The following QTGAL variants were observed in gnomAD, a reference collection of about 807,000 sequenced individuals.
QTGAL encodes the protein queuosine-tRNA galactosyltransferase.
the QTGAL span, among the ~76,000 whole-genome samples, chr17:83,009,393 C>T: frequency 6.6e-6 from 1 of 152,058 alleles, no homozygotes; most frequent in African/African-American, 2.4e-5. Context: ...CCCTGCACTC[C>T]AGCCTGGGCA....
chr17:82,969,214 C>T, the QTGAL span, among the ~76,000 whole-genome samples: 1 of 151,982 alleles, frequency 6.6e-6, no homozygotes, highest in East Asian at 1.9e-4. Flanking sequence ...GGCTGGAGTG[C>T]AGTGGCGCGA....
At chr17:82,962,919 T>A in the QTGAL span, among the ~76,000 whole-genome samples, 68 of 152,096 alleles carry the variant, frequency 4.5e-4, no homozygotes, top group East Asian at 0.013. Flanking sequence ...TCCCCTCCCC[T>A]GATTGCTGCT....
At chr17:83,035,179 A>AT in the QTGAL span, 2 of 1,188,092 alleles carry the variant, frequency 1.7e-6, no homozygotes, top group Non-Finnish European at 1.2e-6. Context: ...AGTATATGAT[A>AT]TTCTTTTTTT....
chr17:83,009,702 C>T, the QTGAL span, among the ~76,000 whole-genome samples: 93 of 152,140 alleles, frequency 6.1e-4, 1 homozygote, highest in African/African-American at 2.0e-3. Context: ...GAGGTGCCCT[C>T]GGTGCATGGT....
chr17:82,960,866 C>T, the QTGAL span, among the ~76,000 whole-genome samples: 1 of 152,248 alleles, frequency 6.6e-6, no homozygotes, highest in South Asian at 2.1e-4. Context: ...TGGGAAATGC[C>T]CCTTCGTGGA....
At chr17:83,004,984 G>T in the QTGAL span, 1 of 664,570 alleles carries the variant, frequency 1.5e-6, no homozygotes. Flanking sequence ...TTGATGGCAT[G>T]TGAGTGAAGG....
At chr17:83,024,660 G>T in the QTGAL span, among the ~76,000 whole-genome samples, 1 of 152,232 alleles carries the variant, frequency 6.6e-6, no homozygotes, top group African/African-American at 2.4e-5. Flanking sequence ...GTGTTAACAC[G>T]CCCCCGGGGC....
At chr17:82,984,088 GCACACGGGGGAGA>G in the QTGAL span, among the ~76,000 whole-genome samples, 6 of 132,796 alleles carry the variant, frequency 4.5e-5, no homozygotes, top group Non-Finnish European at 8.3e-5. Flanking sequence ...GGCCACGTGA[GCACACGGGGGAGA>G]GATCATGTGA....
chr17:82,972,525 T>C, the QTGAL span, among the ~76,000 whole-genome samples: 1 of 104,502 alleles, frequency 9.6e-6, no homozygotes, highest in Admixed American at 1.0e-4. Flanking sequence ...CAGAAGGACC[T>C]GGTGCCGACC....
At chr17:83,049,658 A>C in the QTGAL span, among the ~76,000 whole-genome samples, 3 of 152,122 alleles carry the variant, frequency 2.0e-5, no homozygotes, top group African/African-American at 7.2e-5. Context: ...GCCCACAAAA[A>C]ACAATGTTTT....
chr17:82,998,520 T>C, the QTGAL span, among the ~76,000 whole-genome samples: 1,840 of 152,164 alleles, frequency 0.012, 42 homozygotes, highest in African/African-American at 0.042. Context: ...TAATTTTTTG[T>C]ATTTTTAGTA....
At chr17:82,995,385 CTT>C in the QTGAL span, among the ~76,000 whole-genome samples, 30 of 141,122 alleles carry the variant, frequency 2.1e-4, no homozygotes, top group Admixed American at 4.3e-4. Context: ...ATTTCTTTTT[CTT>C]TTTTTTTTTT....
At chr17:82,946,321 G>A in the QTGAL span, among the ~76,000 whole-genome samples, 2 of 152,200 alleles carry the variant, frequency 1.3e-5, no homozygotes, top group African/African-American at 4.8e-5. Context: ...CCAGTTAAAG[G>A]AAGGCAAATA....
chr17:83,048,441 T>C, the QTGAL span: 66 of 1,547,614 alleles, frequency 4.3e-5, no homozygotes, highest in African/African-American at 7.2e-4. Context: ...CCACGAATTA[T>C]AGTTTAATAA....
chr17:83,026,222 G>A, the QTGAL span, among the ~76,000 whole-genome samples: 17 of 152,194 alleles, frequency 1.1e-4, no homozygotes, highest in African/African-American at 2.4e-4. Context: ...CAGCGAGAGC[G>A]TGGGTGTTCG....
the QTGAL span, among the ~76,000 whole-genome samples, chr17:83,034,390 C>T: frequency 6.6e-6 from 1 of 152,310 alleles, no homozygotes; most frequent in Admixed American, 6.5e-5. Context: ...TCTTACTTAC[C>T]ATGATTAACT....
the QTGAL span, chr17:82,978,601 T>C: frequency 6.6e-6 from 1 of 152,212 alleles, no homozygotes; most frequent in Admixed American, 6.5e-5. The surrounding 1 kb of genome is among the most constrained non-coding windows in gnomAD (Gnocchi z 4.8). Context: ...CAACACCAGG[T>C]GAGCCCTTCT....
chr17:83,015,678 C>T, the QTGAL span, among the ~76,000 whole-genome samples: 239 of 152,336 alleles, frequency 1.6e-3, no homozygotes, highest in Middle Eastern at 6.8e-3. This position sits in a 1 kb window ranked among gnomAD's most constrained non-coding sequence, Gnocchi z 4.4. Context: ...CAGGAGTGAG[C>T]GGCGGCCGGG....
the QTGAL span, among the ~76,000 whole-genome samples, chr17:82,995,385 CT>C: frequency 2.3e-3 from 330 of 141,158 alleles, 1 homozygote; most frequent in Middle Eastern, 3.7e-3. Flanking sequence ...ATTTCTTTTT[CT>C]TTTTTTTTTT....
Sources: gnomAD v4.1 joint callset for allele counts (sites outside exome capture counted in the v4.1 genomes callset) on GRCh38, gnomAD v4.1.1 for gene constraint, Gnocchi (gnomAD v3.1) non-coding constraint, MANE v1.5 for transcripts, NCBI Gene and HGNC (gene_info 2026-07-23, HGNC 2026-07-21) for gene names.